Variants in DGKG observed in about 807,000 individuals in gnomAD.
The protein encoded by DGKG is diacylglycerol kinase gamma, also known as DAG kinase gamma.
A neutral mutation model predicts 105.3 loss-of-function variants in DGKG; 78 were observed. That is an observed-to-expected ratio of 0.74 (90% CI 0.62 to 0.89). DGKG has a LOEUF of 0.89. Ranked by LOEUF, DGKG falls within the 40% of genes least tolerant of loss-of-function variation. The pLI is 0.00. For synonymous variants in DGKG, 346 were observed against 367.1 expected, an observed-to-expected ratio of 0.94 and a Z score of 0.66; for missense variants, 958 against 1,020.1, an observed-to-expected ratio of 0.94 and a Z score of 0.83.
chr3:186,336,729 G>A (rs1725848827), intron 1 of DGKG, among the ~76,000 whole-genome samples: 1 of 152,098 alleles, frequency 6.6e-6, no homozygotes. Flanking sequence ...GGCAGAGTAT[G>A]AGACAGAGAG....
chr3:186,308,049 T>C (rs1436115067), intron 2 of DGKG, among the ~76,000 whole-genome samples: 2 of 152,162 alleles, frequency 1.3e-5, no homozygotes, highest in East Asian at 1.9e-4. Flanking sequence ...GATTTTCCTC[T>C]GAAAGTTGAG....
rs149480416 is a variant in DGKG at position 186,165,940 on chromosome 3, A to G, written c.2096-922T>C. Among the ~76,000 whole-genome samples the G allele has an allele frequency of 3.4e-4, 52 of 152,380 alleles. 1 individual carries two copies. The highest frequency in any genetic ancestry group is 1.2e-3 in the African/African-American group (51 of 41,594). On this transcript the variant is annotated intron_variant, in intron 22 of 24. Coordinates refer to ENST00000265022, the MANE Select transcript of DGKG (RefSeq NM_001346.3). ...CTACCAAGGCAAGAGTAGCTTTCTC[A>G]TAAGTTGTGGCTAATCACTAACATC... is the stretch of plus-strand genomic sequence containing the variant.
chr3:186,192,869 TA>T, intron 21 of DGKG, among the ~76,000 whole-genome samples: 1 of 152,324 alleles, frequency 6.6e-6, no homozygotes, highest in Non-Finnish European at 1.5e-5. Context: ...GTTTGTTTTT[TA>T]AAAAAGTACA....
At chr3:186,197,649 G>C (rs757531841) in intron 21 of DGKG, among the ~76,000 whole-genome samples, 4 of 152,196 alleles carry the variant, frequency 2.6e-5, no homozygotes, top group Non-Finnish European at 5.9e-5. Context: ...CTACGGTGAA[G>C]GCTGGATGCC....
At chr3:186,186,832 G>A (rs1230066579) in intron 22 of DGKG, among the ~76,000 whole-genome samples, 1 of 152,182 alleles carries the variant, frequency 6.6e-6, no homozygotes, top group Admixed American at 6.5e-5. Context: ...GGTGGAAAAT[G>A]GCTACTTTTG....
intron 1 of DGKG, among the ~76,000 whole-genome samples, chr3:186,322,481 C>A (rs1028945066): frequency 6.6e-6 from 1 of 152,162 alleles, no homozygotes; most frequent in Admixed American, 6.5e-5. Context: ...GGGTACTATG[C>A]TTATTACCTG....
intron 3 of DGKG, among the ~76,000 whole-genome samples, chr3:186,299,825 CTT>C (rs375239942): frequency 0.018 from 1,561 of 85,172 alleles, 38 homozygotes; most frequent in South Asian, 0.026. Flanking sequence ...TTCTTTCTTT[CTT>C]TCTTTCTTTC....
At chr3:186,219,600 T>C (rs1560101220) in intron 20 of DGKG, among the ~76,000 whole-genome samples, 1 of 152,178 alleles carries the variant, frequency 6.6e-6, no homozygotes, top group Admixed American at 6.5e-5. Flanking sequence ...CCCTGGCTTG[T>C]TTCCATACTT....
chr3:186,301,672 T>C (rs898101043), intron 3 of DGKG, among the ~76,000 whole-genome samples: 1 of 152,154 alleles, frequency 6.6e-6, no homozygotes. Context: ...TGGAACTGAA[T>C]TGAGATTAAC....
At chr3:186,272,426 C>G (rs1384640693) in intron 10 of DGKG, 83 bp from the exon 11 acceptor site, 6 of 973,116 alleles carry the variant, frequency 6.2e-6, no homozygotes, top group Non-Finnish European at 8.2e-6. Flanking sequence ...TAGCCAAGGT[C>G]TGTACCTCCC....
intron 22 of DGKG, among the ~76,000 whole-genome samples, chr3:186,166,294 G>C (rs962651631): frequency 2.6e-5 from 4 of 152,310 alleles, no homozygotes; most frequent in African/African-American, 9.6e-5. Context: ...GCTTGCATCA[G>C]TCTTTCTGTG....
chr3:186,230,036 G>C (rs1720070398), intron 20 of DGKG, among the ~76,000 whole-genome samples: 2 of 152,176 alleles, frequency 1.3e-5, no homozygotes, highest in South Asian at 4.1e-4. Context: ...GAGGCGGGCG[G>C]ATCACGAGGT....
intron 1 of DGKG, among the ~76,000 whole-genome samples, chr3:186,326,750 C>T (rs753693842): frequency 2.0e-5 from 3 of 152,184 alleles, no homozygotes; most frequent in Admixed American, 6.5e-5. Context: ...TCAAAAGTTA[C>T]GTAGGTTAGT....
At chr3:186,271,488 C>T (rs141900265) in intron 11 of DGKG, among the ~76,000 whole-genome samples, 2,134 of 152,180 alleles carry the variant, frequency 0.014, 19 homozygotes, top group South Asian at 0.028. Context: ...GGGCCCTCAG[C>T]GCAGTACTGC....
In DGKG at chr3:186,226,142, T is replaced by A. The variant is rs1473103356; in HGVS notation, c.1827-14257A>T. 2.0e-5 allele frequency among the ~76,000 whole-genome samples: 3 copies of A among 152,200 alleles called. No individual in the cohort carries two copies. Among genetic ancestry groups the A allele is most frequent in the African/African-American group, 7.2e-5 (3 of 41,448 alleles). On this transcript the variant is annotated intron_variant, in intron 20 of 24. Coordinates refer to ENST00000265022, the MANE Select transcript of DGKG (RefSeq NM_001346.3). The surrounding 1 kb of genome is among the most constrained non-coding windows in gnomAD (Gnocchi z 4.2). ...CTAGAAAAGTAGCCTAAGCTCACAT[T>A]TACCTTTTCCCTGAACTCACCACTT...
intron 22 of DGKG, among the ~76,000 whole-genome samples, chr3:186,175,761 G>C (rs1326607623): frequency 6.6e-6 from 1 of 152,210 alleles, no homozygotes; most frequent in East Asian, 1.9e-4. Context: ...TTAAACTAAA[G>C]AGCTTCTGCA....
chr3:186,196,220 C>A (rs543121076), intron 21 of DGKG, among the ~76,000 whole-genome samples: 23 of 151,150 alleles, frequency 1.5e-4, no homozygotes, highest in African/African-American at 4.9e-4. Context: ...TCACTGCAAC[C>A]TCCACCTCCC....
At chr3:186,155,867 T>G (rs1258598136) in intron 24 of DGKG, among the ~76,000 whole-genome samples, 1 of 152,222 alleles carries the variant, frequency 6.6e-6, no homozygotes, top group Non-Finnish European at 1.5e-5. Context: ...TGGCATGCCT[T>G]TCTCACTGTT....
At chr3:186,273,532 G>A (rs1560127606) in intron 10 of DGKG, among the ~76,000 whole-genome samples, 1 of 151,920 alleles carries the variant, frequency 6.6e-6, no homozygotes, top group Non-Finnish European at 1.5e-5. Flanking sequence ...GCGCCACCAT[G>A]CCCAGCTAAT....
Sources: allele counts gnomAD v4.1 joint callset (sites outside exome capture counted in the v4.1 genomes callset), GRCh38; gene constraint gnomAD v4.1.1; non-coding constraint Gnocchi (gnomAD v3.1); transcripts MANE v1.5; gene names NCBI Gene and HGNC (gene_info 2026-07-23, HGNC 2026-07-21).